PABPC4L: variants seen among roughly 807,000 people sequenced by gnomAD.
The protein encoded by PABPC4L is polyadenylate-binding protein 4-like.
For synonymous variants in PABPC4L, 169 were observed against 164.1 expected (o/e 1.03, Z -0.23); for missense variants, 452 against 451.4 (o/e 1.00, Z -0.01).
the PABPC4L span, among the ~76,000 whole-genome samples, chr4:134,143,318 A>G: frequency 6.7e-6 from 1 of 150,132 alleles, no homozygotes; most frequent in Non-Finnish European, 1.5e-5. Context: ...AATATTTACT[A>G]TATTAACTAT....
At chr4:134,072,936 C>G in the PABPC4L span, among the ~76,000 whole-genome samples, 1 of 152,068 alleles carries the variant, frequency 6.6e-6, no homozygotes, top group East Asian at 1.9e-4. Context: ...AATTACCTCC[C>G]AGTGGGTCCC....
chr4:134,184,066 C>T, the PABPC4L span, among the ~76,000 whole-genome samples: 22 of 151,792 alleles, frequency 1.4e-4, no homozygotes, highest in East Asian at 4.1e-3. Flanking sequence ...ATGGAAGATT[C>T]CCACTCTCTG....
chr4:133,958,084 A>C, the PABPC4L span, among the ~76,000 whole-genome samples: 1 of 152,228 alleles, frequency 6.6e-6, no homozygotes, highest in African/African-American at 2.4e-5. Context: ...GCCTGCTTGA[A>C]TTTCTGCTCA....
chr4:134,145,988 A>G, the PABPC4L span, among the ~76,000 whole-genome samples: 1 of 152,018 alleles, frequency 6.6e-6, no homozygotes, highest in African/African-American at 2.4e-5. Flanking sequence ...ATATTTATAC[A>G]TCCAGTTATG....
chr4:133,995,570 G>A, the PABPC4L span, among the ~76,000 whole-genome samples: 1 of 152,068 alleles, frequency 6.6e-6, no homozygotes, highest in Non-Finnish European at 1.5e-5. Context: ...TCAACAAATG[G>A]CTCCTGAGGC....
the PABPC4L span, among the ~76,000 whole-genome samples, chr4:134,059,285 T>C: frequency 1.3e-5 from 2 of 151,384 alleles, 1 homozygote; most frequent in Admixed American, 1.3e-4. Context: ...TACTTAAAGG[T>C]TCGTCGGAAA....
chr4:134,110,999 A>G, the PABPC4L span, among the ~76,000 whole-genome samples: 2 of 152,014 alleles, frequency 1.3e-5, no homozygotes, highest in African/African-American at 4.8e-5. Context: ...TTGTGCTGCT[A>G]CTACAAAATA....
chr4:134,173,643 G>A, the PABPC4L span, among the ~76,000 whole-genome samples: 7 of 151,976 alleles, frequency 4.6e-5, no homozygotes, highest in Admixed American at 4.6e-4. Flanking sequence ...CCAGTGTTTT[G>A]TAGCAAAATA....
downstream of PABPC4L, among the ~76,000 whole-genome samples, chr4:134,191,797 C>T (rs954153226): frequency 3.2e-4 from 49 of 151,756 alleles, no homozygotes; most frequent in African/African-American, 1.1e-3. Context: ...AATCAATATC[C>T]TAACTTCTCA....
chr4:133,960,478 T>G, the PABPC4L span, among the ~76,000 whole-genome samples: 7 of 152,176 alleles, frequency 4.6e-5, no homozygotes, highest in Admixed American at 6.5e-5. Context: ...CCTTAGGGTG[T>G]GTGGCCAGTG....
the PABPC4L span, among the ~76,000 whole-genome samples, chr4:134,166,889 T>C: frequency 1.3e-5 from 2 of 152,160 alleles, no homozygotes; most frequent in Admixed American, 6.5e-5. Context: ...CTTAAATATA[T>C]TGGATTCTTA....
the PABPC4L span, among the ~76,000 whole-genome samples, chr4:133,983,289 C>T: frequency 6.6e-6 from 1 of 151,902 alleles, no homozygotes; most frequent in African/African-American, 2.4e-5. Context: ...ACTTTCTCAA[C>T]AGGAAGGTAA....
the PABPC4L span, among the ~76,000 whole-genome samples, chr4:134,162,225 C>G: frequency 6.6e-6 from 1 of 151,990 alleles, no homozygotes; most frequent in African/African-American, 2.4e-5. Context: ...AGTAATAAGT[C>G]CTTCCCTAGC....
the PABPC4L span, among the ~76,000 whole-genome samples, chr4:134,178,233 T>C: frequency 1.3e-5 from 2 of 151,596 alleles, no homozygotes; most frequent in Non-Finnish European, 2.9e-5. Context: ...ACACCCCACA[T>C]AAGAAATGTG....
the PABPC4L span, among the ~76,000 whole-genome samples, chr4:134,112,678 T>A: frequency 6.6e-6 from 1 of 151,890 alleles, no homozygotes; most frequent in South Asian, 2.1e-4. Flanking sequence ...CTAATGTATA[T>A]ATAATGGTTA....
the PABPC4L span, among the ~76,000 whole-genome samples, chr4:134,047,001 C>G: frequency 6.6e-6 from 1 of 152,150 alleles, no homozygotes; most frequent in African/African-American, 2.4e-5. Flanking sequence ...CAAACACTGG[C>G]TGGTTTATAA....
chr4:134,101,034 T>G, the PABPC4L span, among the ~76,000 whole-genome samples: 8 of 151,554 alleles, frequency 5.3e-5, no homozygotes, highest in African/African-American at 1.7e-4. Context: ...ATTAGAAAAT[T>G]AATAGCATCT....
the PABPC4L span, among the ~76,000 whole-genome samples, chr4:134,141,683 C>G: frequency 6.6e-6 from 1 of 151,548 alleles, no homozygotes; most frequent in East Asian, 1.9e-4. Flanking sequence ...ATTCACTGCA[C>G]AAATCCTTAA....
intron 1 of PABPC4L, among the ~76,000 whole-genome samples, 164 bp from the exon 2 acceptor site, chr4:134,201,409 T>G (rs1208224231): frequency 6.6e-6 from 1 of 152,102 alleles, no homozygotes; most frequent in Non-Finnish European, 1.5e-5. Context: ...TGGTTTAAAG[T>G]TACAGCCGCT....
Sources: allele counts gnomAD v4.1 joint callset (sites outside exome capture counted in the v4.1 genomes callset), GRCh38; gene constraint gnomAD v4.1.1; transcripts MANE v1.5; gene names NCBI Gene and HGNC (gene_info 2026-07-23, HGNC 2026-07-21).